The following R3HDM1 variants were observed in gnomAD, a reference collection of about 807,000 sequenced individuals.
The protein encoded by R3HDM1 is R3H domain containing 1, also known as R3H domain-containing protein 1.
A neutral mutation model predicts 141.1 loss-of-function variants in R3HDM1; 46 were observed. The observed-to-expected ratio is 0.33, with a 90% CI of 0.26 to 0.42. The LOEUF (loss-of-function observed/expected upper bound fraction) is 0.42, where lower values mean the gene tolerates loss of function less well. R3HDM1 is among the 10% of genes least tolerant of loss of function. The pLI is 1.00. For synonymous variants in R3HDM1, 435 were observed against 472.9 expected (o/e 0.92, Z 1.04); for missense variants, 1,184 against 1,368.3 (o/e 0.87, Z 2.12).
At chr2:135,541,325 A>C (rs1559085981) in intron 1 of R3HDM1, among the ~76,000 whole-genome samples, 2 of 151,988 alleles carry the variant, frequency 1.3e-5, no homozygotes, top group Non-Finnish European at 2.9e-5. Context: ...CTCCTGCCTC[A>C]GCCTCCTGAG....
intron 21 of R3HDM1, among the ~76,000 whole-genome samples, chr2:135,696,087 T>C (rs368625699): frequency 1.3e-5 from 2 of 152,134 alleles, no homozygotes; most frequent in East Asian, 3.9e-4. Flanking sequence ...GAAACCCAAA[T>C]GTCCACCCAC....
chr2:135,561,984 T>C (rs1256830197), intron 1 of R3HDM1, among the ~76,000 whole-genome samples: 1 of 152,116 alleles, frequency 6.6e-6, no homozygotes, highest in Non-Finnish European at 1.5e-5. Context: ...GGCCACCAAG[T>C]TTTAAAGGAA....
chr2:135,603,275 C>T (rs1428135012), intron 2 of R3HDM1, among the ~76,000 whole-genome samples: 1 of 152,198 alleles, frequency 6.6e-6, no homozygotes, highest in Non-Finnish European at 1.5e-5. Flanking sequence ...CAGGTGTAAA[C>T]CACTGCACCT....
intron 21 of R3HDM1, among the ~76,000 whole-genome samples, chr2:135,709,022 A>G (rs1014456218): frequency 6.6e-6 from 1 of 151,840 alleles, no homozygotes; most frequent in Non-Finnish European, 1.5e-5. Flanking sequence ...GTTTCACACT[A>G]ATAGCCTTTA....
At chr2:135,676,249 CA>C (rs2069157764) in intron 20 of R3HDM1, among the ~76,000 whole-genome samples, 2 of 152,048 alleles carry the variant, frequency 1.3e-5, no homozygotes, top group Non-Finnish European at 2.9e-5. Context: ...TGCTTAAACC[CA>C]GGAAGTGGAA....
chr2:135,702,786 G>A (rs2074411066), intron 21 of R3HDM1, among the ~76,000 whole-genome samples: 1 of 152,102 alleles, frequency 6.6e-6, no homozygotes, highest in Non-Finnish European at 1.5e-5. Flanking sequence ...TCCAGCCTAG[G>A]TGACAGAGCA....
intron 1 of R3HDM1, among the ~76,000 whole-genome samples, chr2:135,598,819 C>T (rs1390756880): frequency 1.3e-5 from 2 of 152,082 alleles, no homozygotes; most frequent in Non-Finnish European, 2.9e-5. Flanking sequence ...TTACCTGTTC[C>T]TGTCATTCCC....
chr2:135,699,028 TAGATAGATAGA>T (rs2073768974), intron 21 of R3HDM1, among the ~76,000 whole-genome samples: 4 of 118,542 alleles, frequency 3.4e-5, no homozygotes, highest in African/African-American at 1.2e-4. Context: ...GATAGATAGA[TAGATAGATAGA>T]TAGATAAGAT....
At chr2:135,679,066 CT>C (rs141175748) in intron 20 of R3HDM1, among the ~76,000 whole-genome samples, 1,033 of 70,562 alleles carry the variant, frequency 0.015, 18 homozygotes, top group African/African-American at 0.043. Context: ...GCCCGGCTTT[CT>C]TTTTTTTTTT....
intron 26 of R3HDM1, among the ~76,000 whole-genome samples, chr2:135,723,511 C>A (rs1197263785): frequency 1.3e-5 from 2 of 151,874 alleles, no homozygotes; most frequent in African/African-American, 2.4e-5. Flanking sequence ...GTGCCTCATG[C>A]CTGTAATCCT....
chr2:135,577,414 CAA>C (rs35038268), intron 1 of R3HDM1, among the ~76,000 whole-genome samples: 2,593 of 15,326 alleles, frequency 0.17, 109 homozygotes, highest in South Asian at 0.26. Context: ...ATTAAATGAC[CAA>C]AAAAAAAAAA....
intron 5 of R3HDM1, among the ~76,000 whole-genome samples, chr2:135,618,301 T>C (rs1428788888): frequency 6.6e-6 from 1 of 151,652 alleles, no homozygotes. Context: ...GCTGGAATTA[T>C]AGGCACCCGC....
chr2:135,551,647 G>C (rs1245440224), intron 1 of R3HDM1, among the ~76,000 whole-genome samples: 1 of 152,228 alleles, frequency 6.6e-6, no homozygotes, highest in Non-Finnish European at 1.5e-5. Context: ...TAGTGAAGTA[G>C]TATATAATTT....
At chr2:135,687,561 C>T (rs767876148) in intron 21 of R3HDM1, among the ~76,000 whole-genome samples, 2 of 150,394 alleles carry the variant, frequency 1.3e-5, no homozygotes, top group Non-Finnish European at 3.0e-5. Flanking sequence ...CTCCAAAAAG[C>T]AAGTATGAAA....
At position 135,577,571 on chromosome 2, in the gene R3HDM1, C is replaced by T. The variant is rs1018520833; in HGVS notation, c.-249-24929C>T. On this transcript the variant is annotated intron_variant, in intron 1 of 26. Coordinates refer to ENST00000683871, the MANE Select transcript of R3HDM1 (RefSeq NM_001378107.1). Reference sequence around the variant, plus strand: ...TTAAGTTCATACAGAGAAATAAGCTCACGCCTGTAATCCCAACACTTTGGG... The same window carrying T: ...TTAAGTTCATACAGAGAAATAAGCTTACGCCTGTAATCCCAACACTTTGGG... Among the ~76,000 whole-genome samples the T allele has an allele frequency of 2.0e-5, 3 of 151,982 alleles. No homozygotes were observed. The East Asian group carries it at 5.8e-4, about 29-fold the overall frequency.
In R3HDM1 at chr2:135,661,319, A is replaced by C; in HGVS notation, c.2078A>C (p.Gln693Pro). 1 of 1,613,840 alleles carries C rather than the reference A, an allele frequency of 6.2e-7. No homozygotes were observed. Among genetic ancestry groups the C allele is most frequent in the Non-Finnish European group, 8.5e-7 (1 of 1,179,728 alleles). ...APGHYHSSQPQYRPVPSVHYN... is the reference protein window; with the variant it reads ...APGHYHSSQPPYRPVPSVHYN... ...GGCCACTATCACTCCAGCCAACCTCAGTATCGCCCAGTCCCTTCTGTTCAT... is the reference window on the plus strand; with the variant it reads ...GGCCACTATCACTCCAGCCAACCTCCGTATCGCCCAGTCCCTTCTGTTCAT... Residue 693 changes from glutamine (Q) to proline (P), a missense_variant, in exon 19 of 27, where the codon CAG (glutamine) becomes CCG (proline). By Grantham distance (76) the Gln-to-Pro change is moderately conservative (BLOSUM62 -1). Around this residue, in one of 5 missense-constraint regions of R3HDM1, gnomAD observed 563 missense variants for 562.0 expected, o/e 1.00. Coordinates refer to ENST00000683871, the MANE Select transcript of R3HDM1 (RefSeq NM_001378107.1).
intron 21 of R3HDM1, among the ~76,000 whole-genome samples, chr2:135,682,938 A>C (rs990378513): frequency 4.5e-4 from 69 of 152,262 alleles, no homozygotes; most frequent in African/African-American, 1.7e-3. Context: ...CAGAGGTTGC[A>C]GTGAGCTCAG....
At chr2:135,687,405 G>A (rs1403897724) in intron 21 of R3HDM1, among the ~76,000 whole-genome samples, 1 of 152,124 alleles carries the variant, frequency 6.6e-6, no homozygotes, top group African/African-American at 2.4e-5. Context: ...TAAAAGGGTA[G>A]CTCTCGTGTT....
intron 21 of R3HDM1, among the ~76,000 whole-genome samples, chr2:135,683,983 T>G (rs2070824198): frequency 6.6e-6 from 1 of 152,018 alleles, no homozygotes; most frequent in Non-Finnish European, 1.5e-5. Context: ...CATACATACA[T>G]ACATACATAC....
Sources: gnomAD v4.1 joint callset for allele counts (sites outside exome capture counted in the v4.1 genomes callset) on GRCh38, gnomAD v4.1.1 for gene constraint, gnomAD v4.1.1 regional missense constraint, MANE v1.5 for transcripts, NCBI Gene and HGNC (gene_info 2026-07-23, HGNC 2026-07-21) for gene names.